The following TLK2 variants were observed in gnomAD, a reference collection of about 807,000 sequenced individuals.
The protein encoded by TLK2 is tousled like kinase 2.
A neutral mutation model predicts 117.3 loss-of-function variants in TLK2; 6 were observed. The ratio of observed to expected loss-of-function variants is 0.05; its 90% CI spans 0.03 to 0.10. TLK2 has a LOEUF of 0.10. TLK2 is among the 10% of genes least tolerant of loss of function. TLK2 has a pLI of 1.00. For missense variants in TLK2, 299 were observed against 901.2 expected, an observed-to-expected ratio of 0.33 and a Z score of 8.56; for synonymous variants, 257 against 316.7, an observed-to-expected ratio of 0.81 and a Z score of 2.00.
At chr17:62,478,594 G>A (rs2071198795), upstream of TLK2, among the ~76,000 whole-genome samples, 1 of 150,704 alleles carries the variant, frequency 6.6e-6, no homozygotes. Flanking sequence ...GCGAGGCGCG[G>A]CTTCCTCCGC....
intron 2 of TLK2, among the ~76,000 whole-genome samples, chr17:62,499,724 G>A (rs2074027501): frequency 6.6e-6 from 1 of 151,920 alleles, no homozygotes; most frequent in South Asian, 2.1e-4. Context: ...GGTGGCATGT[G>A]CCTGTAATCC....
At chr17:62,572,955 A>T in intron 11 of TLK2, 1 of 319,248 alleles carries the variant, frequency 3.1e-6, no homozygotes, top group Non-Finnish European at 5.8e-6. Flanking sequence ...ATAAGGTCAC[A>T]ATAGAAATTT....
At chr17:62,517,777 A>T (rs2075728010) in intron 2 of TLK2, among the ~76,000 whole-genome samples, 1 of 152,156 alleles carries the variant, frequency 6.6e-6, no homozygotes, top group African/African-American at 2.4e-5. Context: ...AGCTCACTGC[A>T]ACCTTCACCT....
At chr17:62,484,303 C>CT (rs950445833) in intron 2 of TLK2, among the ~76,000 whole-genome samples, 47 of 147,562 alleles carry the variant, frequency 3.2e-4, no homozygotes, top group East Asian at 6.0e-4. Context: ...CGTATGACTT[C>CT]TTTTTTTTTT....
chr17:62,610,222 C>T (rs1011657581), intron 21 of TLK2, among the ~76,000 whole-genome samples: 3 of 152,222 alleles, frequency 2.0e-5, no homozygotes, highest in Non-Finnish European at 4.4e-5. Flanking sequence ...GTGAAGAATA[C>T]AGAAGTATCT....
At chr17:62,498,556 AT>A (rs1473599158) in intron 2 of TLK2, among the ~76,000 whole-genome samples, 1 of 151,690 alleles carries the variant, frequency 6.6e-6, no homozygotes, top group Non-Finnish European at 1.5e-5. Context: ...CACCCAGCTA[AT>A]TTTTTGTGTT....
intron 10 of TLK2, among the ~76,000 whole-genome samples, chr17:62,562,537 A>G (rs1430983264): frequency 6.6e-6 from 1 of 152,230 alleles, no homozygotes; most frequent in Non-Finnish European, 1.5e-5. Context: ...AAAAATACGC[A>G]AATGGCAAGC....
chr17:62,499,504 A>C (rs1301498618), intron 2 of TLK2, among the ~76,000 whole-genome samples: 1 of 152,140 alleles, frequency 6.6e-6, no homozygotes, highest in Non-Finnish European at 1.5e-5. Flanking sequence ...AGGAAAACAA[A>C]GAAAATTGTT....
rs1309477785 is a variant in TLK2, at chr17:62,471,921, C to T, written c.-205+843C>T. On this transcript the variant is annotated intron_variant, in intron 1 of 4. Transcript: ENST00000579450. ...TTTTTTTTTTTTTTTTTTTTTTAGA[C>T]AGAGTCTTACTCTGTCGCCTAGGCT... Among the ~76,000 whole-genome samples, 183 of 27,924 alleles carry T rather than the reference C, an allele frequency of 6.6e-3. 5 individuals are homozygous for T. The highest frequency in any genetic ancestry group is 0.02 in the African/African-American group (176 of 8,716). The allele number at this position is 27,924 out of a possible 152,430, so 18.3% of individuals were successfully genotyped here. A position where few individuals can be genotyped will look rare whatever the true frequency, so the allele number is the denominator to read the frequency against.
At chr17:62,520,868 G>T in intron 3 of TLK2, 24 bp downstream of exon 3, 3 of 1,610,236 alleles carry the variant, frequency 1.9e-6, no homozygotes, top group Non-Finnish European at 2.5e-6. Flanking sequence ...TTCATGGCAG[G>T]ACTTTTCATA....
chr17:62,520,990 T>A (rs1391083069), intron 3 of TLK2, 146 bp downstream of exon 3: 6 of 863,524 alleles, frequency 6.9e-6, no homozygotes, highest in Non-Finnish European at 1.1e-5. Context: ...CTGGGCAACA[T>A]AGTGAGAACT....
At chr17:62,607,572 C>T (rs181953842) in intron 20 of TLK2, among the ~76,000 whole-genome samples, 5 of 152,218 alleles carry the variant, frequency 3.3e-5, no homozygotes, top group Admixed American at 3.3e-4. Flanking sequence ...TAGTTGAAGC[C>T]ATTAAGTAAC....
rs548181725 is a variant in TLK2, at chr17:62,524,405, C to T, written c.363+74C>T. 14 of 1,471,694 alleles carry T rather than the reference C, an allele frequency of 9.5e-6. No homozygotes were observed. The East Asian group carries it at 1.9e-4, about 20-fold the overall frequency. The allele number at this position is 1,471,694 out of a possible 1,614,324, so 91.2% of individuals were successfully genotyped here. ...GCCCAGAAACACTCAAGCAAAGTTTCTCTTTCATTAATTACCCACAGGGAA... is the reference window on the plus strand; with the variant it reads ...GCCCAGAAACACTCAAGCAAAGTTTTTCTTTCATTAATTACCCACAGGGAA... On this transcript the variant is annotated intron_variant, in intron 6 of 21. Coordinates refer to ENST00000346027, the MANE Select transcript of TLK2 (RefSeq NM_006852.6).
At chr17:62,555,021 TACACAC>T (rs773654674) in intron 9 of TLK2, among the ~76,000 whole-genome samples, 16 of 151,330 alleles carry the variant, frequency 1.1e-4, no homozygotes, top group Non-Finnish European at 2.4e-4. Context: ...TGTGTATATA[TACACAC>T]ACACACACAC....
At chr17:62,471,669 G>A (rs1279275780) in intron 1 of TLK2, among the ~76,000 whole-genome samples, 5 of 152,092 alleles carry the variant, frequency 3.3e-5, no homozygotes, top group African/African-American at 1.2e-4. Context: ...CTAAGCCAGC[G>A]TCGGCTCGGC....
chr17:62,476,176 C>T (rs2071039265), upstream of TLK2, among the ~76,000 whole-genome samples: 1 of 151,852 alleles, frequency 6.6e-6, no homozygotes, highest in East Asian at 2.0e-4. Context: ...CACGGGGTTT[C>T]ACCATGTTGG....
At chr17:62,494,641 T>A (rs997581151) in intron 2 of TLK2, among the ~76,000 whole-genome samples, 1 of 151,880 alleles carries the variant, frequency 6.6e-6, no homozygotes, top group Non-Finnish European at 1.5e-5. Context: ...CCGTCTCAAG[T>A]GATTCACCTG....
At chr17:62,471,914 T>TTTTTTTTTTTTTG (rs2070948878) in intron 1 of TLK2, among the ~76,000 whole-genome samples, 1 of 138,252 alleles carries the variant, frequency 7.2e-6, no homozygotes, top group African/African-American at 2.7e-5. Flanking sequence ...TTTTTTTTTT[T>TTTTTTTTTTTTTG]TTTAGACAGA....
In TLK2 at chr17:62,486,044, T is replaced by C. The variant is rs183665812; in HGVS notation, c.81+4838T>C. 3.6e-3 allele frequency among the ~76,000 whole-genome samples: 555 copies of C among 152,108 alleles called. 3 individuals are homozygous for C. The highest frequency in any genetic ancestry group is 0.01 in the Middle Eastern group (3 of 292). On this transcript the variant is annotated intron_variant, in intron 2 of 21. Transcript: ENST00000346027. ...ACCGTGTTAGCCAGGATGGTCTCGA[T>C]CTCCTGACCTCGTGATCTGCCCACC...
Sources: allele counts gnomAD v4.1 joint callset (sites outside exome capture counted in the v4.1 genomes callset), GRCh38; gene constraint gnomAD v4.1.1; transcripts MANE v1.5; gene names NCBI Gene and HGNC (gene_info 2026-07-23, HGNC 2026-07-21).